Variants in ADGRL3 observed in about 807,000 individuals in gnomAD.
ADGRL3 encodes the protein calcium-independent alpha-latrotoxin receptor 3.
ADGRL3 carries 62 observed loss-of-function variants against 153.5 expected under a neutral mutation model. The observed-to-expected ratio is 0.40, with a 90% CI of 0.33 to 0.50. The LOEUF (loss-of-function observed/expected upper bound fraction) is 0.50. ADGRL3 is among the 20% of genes least tolerant of loss of function. The probability of loss-of-function intolerance (pLI) is 0.47; values close to 1 mark genes in which losing one functional copy is unlikely to be tolerated. For missense variants in ADGRL3, 1,641 were observed against 1,859.4 expected, an observed-to-expected ratio of 0.88 and a Z score of 2.16; for synonymous variants, 710 against 672.5, an observed-to-expected ratio of 1.06 and a Z score of -0.86.
At chr4:61,267,149 T>G (rs886431969) in intron 1 of ADGRL3, among the ~76,000 whole-genome samples, 1 of 151,714 alleles carries the variant, frequency 6.6e-6, no homozygotes, top group Non-Finnish European at 1.5e-5. Flanking sequence ...AAATTAAACT[T>G]TCAATTCCAT....
intron 9 of ADGRL3, among the ~76,000 whole-genome samples, chr4:61,838,005 CATT>C (rs1296814980): frequency 6.6e-5 from 10 of 151,840 alleles, no homozygotes; most frequent in Admixed American, 3.3e-4. Flanking sequence ...TCTAGAATGG[CATT>C]GTTGTTGTTG....
chr4:61,356,607 G>T (rs966233508), intron 1 of ADGRL3, among the ~76,000 whole-genome samples: 12 of 151,866 alleles, frequency 7.9e-5, no homozygotes, highest in African/African-American at 2.7e-4. Flanking sequence ...TCATTCCATG[G>T]AGTATTTGAC....
At chr4:61,432,146 C>T (rs984264624) in intron 2 of ADGRL3, among the ~76,000 whole-genome samples, 11 of 152,116 alleles carry the variant, frequency 7.2e-5, no homozygotes, top group Non-Finnish European at 1.5e-4. Context: ...ATTGAAATTA[C>T]GCTGCCAGTT....
chr4:62,052,420 A>G (rs1204511403), intron 25 of ADGRL3, among the ~76,000 whole-genome samples: 1 of 151,494 alleles, frequency 6.6e-6, no homozygotes, highest in Admixed American at 6.6e-5. Context: ...ATTTTGTTCT[A>G]AGCACAGTTT....
intron 1 of ADGRL3, among the ~76,000 whole-genome samples, chr4:61,252,415 G>C (rs1435430428): frequency 6.6e-6 from 1 of 152,140 alleles, no homozygotes; most frequent in East Asian, 1.9e-4. Context: ...GAAAAAAAGT[G>C]AGTTTGATAA....
rs180974824 is a variant in ADGRL3 at position 61,871,156 on chromosome 4, C to T, written c.1481-21500C>T. ...AGCCAGGTGTGGTGGCGAGTGCCTGCAGTCCCAACTACTCAGCAGGCTAAG... is the reference window on the plus strand; with the variant it reads ...AGCCAGGTGTGGTGGCGAGTGCCTGTAGTCCCAACTACTCAGCAGGCTAAG... On this transcript the variant is annotated intron_variant, in intron 9 of 26. Transcript: ENST00000683033. Among the ~76,000 whole-genome samples the T allele has an allele frequency of 2.4e-3, 364 of 152,002 alleles. 1 individual carries two copies. The highest frequency in any genetic ancestry group is 3.8e-3 in the Non-Finnish European group (257 of 67,960).
At chr4:61,892,598 T>C in intron 9 of ADGRL3, 58 bp from the exon 10 acceptor site, 1 of 1,261,242 alleles carries the variant, frequency 7.9e-7, no homozygotes, top group Admixed American at 1.7e-5. Flanking sequence ...TACTAGGACA[T>C]CTTGAGGTCC....
At chr4:61,910,281 T>C (rs2098716232) in intron 12 of ADGRL3, among the ~76,000 whole-genome samples, 2 of 151,900 alleles carry the variant, frequency 1.3e-5, no homozygotes, top group African/African-American at 4.8e-5. Context: ...AATTTCTACT[T>C]CCTTTTGACT....
intron 11 of ADGRL3, among the ~76,000 whole-genome samples, chr4:61,900,791 A>T (rs146281366): frequency 6.6e-6 from 1 of 152,332 alleles, no homozygotes; most frequent in East Asian, 1.9e-4. Flanking sequence ...ACATATCTAC[A>T]TACATTGGAA....
intron 8 of ADGRL3, among the ~76,000 whole-genome samples, chr4:61,756,179 G>T (rs2096827761): frequency 6.6e-6 from 1 of 152,290 alleles, no homozygotes; most frequent in Admixed American, 6.5e-5. Context: ...GATTGATGGG[G>T]ATGGCGTTGA....
chr4:61,788,126 C>T (rs1407299090), intron 8 of ADGRL3, among the ~76,000 whole-genome samples: 1 of 152,114 alleles, frequency 6.6e-6, no homozygotes, highest in Non-Finnish European at 1.5e-5. Flanking sequence ...AACAACCTTG[C>T]CCTAAGAAAG....
chr4:61,753,643 G>C (rs75029823), intron 8 of ADGRL3, among the ~76,000 whole-genome samples: 13,096 of 152,202 alleles, frequency 0.086, 1,187 homozygotes, highest in African/African-American at 0.23. Flanking sequence ...ACTTTACAGA[G>C]ACATAACAAA....
At chr4:61,744,846 C>T (rs555152411) in intron 8 of ADGRL3, among the ~76,000 whole-genome samples, 69 of 152,260 alleles carry the variant, frequency 4.5e-4, no homozygotes, top group African/African-American at 1.4e-3. Context: ...TCACCAGCAA[C>T]GGAACAAAGC....
At chr4:61,316,346 A>G (rs948725210) in intron 1 of ADGRL3, among the ~76,000 whole-genome samples, 1 of 152,172 alleles carries the variant, frequency 6.6e-6, no homozygotes, top group African/African-American at 2.4e-5. Flanking sequence ...GGTAAAAGAC[A>G]AAAATTAGGA....
rs996036053 is a variant in ADGRL3 at position 61,917,349 on chromosome 4, C to A, written c.2112+4592C>A. Among the ~76,000 whole-genome samples the A allele has an allele frequency of 1.1e-4, 16 of 152,052 alleles. 1 individual carries two copies. Among genetic ancestry groups the A allele is most frequent in the African/African-American group, 3.6e-4 (15 of 41,398 alleles). ...GCAGTACAACAATTTTTTTCAATCT[C>A]TTTTTTGAGACAGAGGTAAAATGGT... On this transcript the variant is annotated intron_variant, in intron 13 of 26. Transcript: ENST00000683033.
At chr4:61,852,692 A>G (rs1427357107) in intron 9 of ADGRL3, among the ~76,000 whole-genome samples, 1 of 152,192 alleles carries the variant, frequency 6.6e-6, no homozygotes, top group African/African-American at 2.4e-5. Flanking sequence ...TCTGTTTAGT[A>G]CATTTAGTTA....
intron 17 of ADGRL3, among the ~76,000 whole-genome samples, chr4:61,958,803 G>A (rs902749272): frequency 2.6e-5 from 4 of 152,128 alleles, no homozygotes; most frequent in African/African-American, 7.2e-5. Context: ...TGGGAACAGA[G>A]AGCTAAGCCA....
intron 9 of ADGRL3, among the ~76,000 whole-genome samples, chr4:61,814,273 A>T (rs2097663849): frequency 6.6e-6 from 1 of 151,362 alleles, no homozygotes; most frequent in African/African-American, 2.4e-5. Context: ...TCATATTGAC[A>T]GATTTTTTTC....
chr4:62,059,747 C>T (rs1170414287), intron 25 of ADGRL3, among the ~76,000 whole-genome samples: 1 of 152,128 alleles, frequency 6.6e-6, no homozygotes, highest in Non-Finnish European at 1.5e-5. Context: ...AAATATTGTT[C>T]CATGTAGCCA....
Sources: gnomAD v4.1 joint callset for allele counts (sites outside exome capture counted in the v4.1 genomes callset) on GRCh38, gnomAD v4.1.1 for gene constraint, MANE v1.5 for transcripts, NCBI Gene and HGNC (gene_info 2026-07-23, HGNC 2026-07-21) for gene names.